TRANK1: variants seen among roughly 807,000 people sequenced by gnomAD.
TRANK1 encodes the protein TPR and ankyrin repeat-containing protein 1.
TRANK1 carries 198 observed loss-of-function variants against 266.0 expected under a neutral mutation model. The observed-to-expected ratio is 0.74, with a 90% confidence interval of 0.66 to 0.84. TRANK1 has a LOEUF of 0.84. Ranked by LOEUF, TRANK1 falls within the 40% of genes least tolerant of loss-of-function variation. The pLI, the probability that TRANK1 is intolerant of heterozygous loss-of-function variation, is 0.00. For missense variants in TRANK1, 3,326 were observed against 3,634.6 expected (o/e 0.92, Z 2.18); for synonymous variants, 1,396 against 1,384.1 (o/e 1.01, Z -0.19).
chr3:36,905,058 G>A (rs1473712562), intron 2 of TRANK1, among the ~76,000 whole-genome samples: 1 of 151,952 alleles, frequency 6.6e-6, no homozygotes, highest in South Asian at 2.1e-4. Flanking sequence ...AGGAGGCCGA[G>A]CGGGCGGATC....
In TRANK1 at chr3:36,834,778, C is replaced by A; in HGVS notation, c.5647G>T (p.Ala1883Ser). Residue 1883 changes from alanine (A) to serine (S), a missense_variant, in exon 21 of 24, where the codon GCT (alanine) becomes TCT (serine). Ala to Ser is a moderately conservative substitution (Grantham distance 99). Transcript: ENST00000645898. ...YCQEELFEEAAIAVEKYEEML... is the reference protein window; with the variant it reads ...YCQEELFEEASIAVEKYEEML... Reference sequence around the variant, plus strand: ...ACCACCTACTTTTCCACTGCAATAGCAGCTTCTTCAAAAAGCTCCTCTTGG... The same window carrying A: ...ACCACCTACTTTTCCACTGCAATAGAAGCTTCTTCAAAAAGCTCCTCTTGG... 6.2e-7 allele frequency: 1 copy of A among 1,612,170 alleles called. No individual in the cohort carries two copies. Among genetic ancestry groups the A allele is most frequent in the Non-Finnish European group, 8.5e-7 (1 of 1,179,352 alleles).
At chr3:36,918,209 C>T (rs1480976764) in intron 1 of TRANK1, among the ~76,000 whole-genome samples, 1 of 151,880 alleles carries the variant, frequency 6.6e-6, no homozygotes, top group African/African-American at 2.4e-5. Flanking sequence ...TAGTCAATTT[C>T]ATAGAAACAG....
At chr3:36,867,666 T>A (rs909322096) in intron 9 of TRANK1, among the ~76,000 whole-genome samples, 2 of 152,218 alleles carry the variant, frequency 1.3e-5, no homozygotes, top group African/African-American at 2.4e-5. Flanking sequence ...AAGAGTTTTT[T>A]AAAAGATGAC....
intron 2 of TRANK1, among the ~76,000 whole-genome samples, chr3:36,903,587 A>G (rs889634140): frequency 3.3e-5 from 5 of 152,238 alleles, no homozygotes; most frequent in East Asian, 1.9e-4. Context: ...CCTCAGAAGA[A>G]TCGGCTTCAG....
chr3:36,923,256 A>AAT (rs2080241475), intron 1 of TRANK1, among the ~76,000 whole-genome samples: 1 of 141,004 alleles, frequency 7.1e-6, no homozygotes, highest in South Asian at 2.2e-4. Flanking sequence ...GTCTTGGTAA[A>AAT]TTTTTTTTTT....
Position 36,857,439 on chromosome 3 carries a change from C to A in TRANK1, c.2283G>T (p.Glu761Asp). Residue 761 changes from glutamate to aspartate, a missense_variant, in exon 13 of 24, where the codon GAG becomes GAT. Glu to Asp is a conservative substitution (Grantham distance 45). Coordinates refer to ENST00000645898, the MANE Select transcript of TRANK1 (RefSeq NM_001329998.2). This position sits in a 1 kb window ranked among gnomAD's most constrained non-coding sequence, Gnocchi z 4.3. The stretch of plus-strand genomic sequence containing the variant: ...TCTTTCCTTCTTTGCCAGCTCCTGC[C>A]TCCAGAGGCTCAGAGCTCTGAAGAC... ...EDCLQSSEPLEAGAGKEGKKD... is the reference protein window; with the variant it reads ...EDCLQSSEPLDAGAGKEGKKD... 6.2e-7 allele frequency: 1 copy of A among 1,613,998 alleles called. No homozygotes were observed. Among genetic ancestry groups the A allele is most frequent in the Non-Finnish European group, 8.5e-7 (1 of 1,179,890 alleles).
chr3:36,829,350 CAT>C (rs2078665668), intron 23 of TRANK1, among the ~76,000 whole-genome samples: 1 of 152,188 alleles, frequency 6.6e-6, no homozygotes, highest in African/African-American at 2.4e-5. Flanking sequence ...TGGCAACTAA[CAT>C]GTGCCCAGAA....
chr3:36,908,679 A>G (rs1050016979), intron 1 of TRANK1: 2 of 959,656 alleles, frequency 2.1e-6, no homozygotes, highest in African/African-American at 1.8e-5. Flanking sequence ...GGCCAGACCA[A>G]TTCCATTTAT....
intron 4 of TRANK1, 51 bp downstream of exon 4, chr3:36,899,058 T>G: frequency 6.6e-7 from 1 of 1,524,822 alleles, no homozygotes; most frequent in Non-Finnish European, 8.8e-7. Flanking sequence ...CAGGAGCTAT[T>G]TCAATAAAAT....
Position 36,833,486 on chromosome 3 carries a change from G to A in TRANK1, c.6097C>T (p.His2033Tyr), listed in dbSNP as rs1457120365. ...CTCAGGATTACCCCTTGCAGGAAGT[G>A]GGCCTCCGCAATGCCAGACAACTGG... ...TGQLSGIAEAHFLQGVILRDF... is the reference protein window; with the variant it reads ...TGQLSGIAEAYFLQGVILRDF... The change falls in exon 22 of 24, where the codon CAC (histidine) becomes TAC (tyrosine). Residue 2033 changes from histidine (H) to tyrosine (Y), a missense_variant. His to Tyr is a moderately conservative substitution (Grantham distance 83). Coordinates refer to ENST00000645898, the MANE Select transcript of TRANK1 (RefSeq NM_001329998.2). 1 of 1,613,910 alleles carries A rather than the reference G, an allele frequency of 6.2e-7. No homozygotes were observed. The highest frequency in any genetic ancestry group is 8.5e-7 in the Non-Finnish European group (1 of 1,179,846).
rs949050647 is a variant in TRANK1 at position 36,846,421 on chromosome 3, G to A, written c.5035-17C>T. On this transcript the variant is annotated splice_polypyrimidine_tract_variant and intron_variant, in intron 16 of 23. Transcript: ENST00000645898. ...GTTGAGGAGCTAAAGATAACATTGAGGACAAAGATGATGAGCCATTTGTCT... is the reference window on the plus strand; with the variant it reads ...GTTGAGGAGCTAAAGATAACATTGAAGACAAAGATGATGAGCCATTTGTCT... The A allele has an allele frequency of 1.9e-6, 3 of 1,599,198 alleles. No homozygotes were observed. The highest frequency in any genetic ancestry group is 1.7e-5 in the Admixed American group (1 of 58,198).
intron 8 of TRANK1, among the ~76,000 whole-genome samples, chr3:36,879,154 T>TA (rs533049067): frequency 0.051 from 7,478 of 146,008 alleles, 237 homozygotes; most frequent in Non-Finnish European, 0.077. Context: ...GGCAATTGTT[T>TA]AAAAAAAAAA....
intron 4 of TRANK1, among the ~76,000 whole-genome samples, chr3:36,896,202 C>A (rs1241184658): frequency 6.6e-6 from 1 of 152,190 alleles, no homozygotes; most frequent in East Asian, 1.9e-4. Context: ...GCATATCATG[C>A]AGTTAGTTCA....
intron 11 of TRANK1, among the ~76,000 whole-genome samples, chr3:36,860,435 G>A (rs759548367): frequency 6.6e-6 from 1 of 152,198 alleles, no homozygotes; most frequent in African/African-American, 2.4e-5. Context: ...TAAAGCAGCA[G>A]ATGCTTCCAC....
Position 36,833,145 on chromosome 3 carries a change from C to T in TRANK1, c.6438G>A (p.Leu2146=). 1 of 1,613,332 alleles carries T rather than the reference C, an allele frequency of 6.2e-7. No homozygotes were observed. Among genetic ancestry groups the T allele is most frequent in the Non-Finnish European group, 8.5e-7 (1 of 1,179,546 alleles). Residue 2146 remains leucine, a synonymous_variant, in exon 22 of 24, where the codon TTG becomes TTA. Transcript: ENST00000645898. Reference sequence around the variant, plus strand: ...CTTTTGTTTTTTTCTCTCTCAAGTTCAAATCCAGGTCAAAAATTATTCTTA... The same window carrying T: ...CTTTTGTTTTTTTCTCTCTCAAGTTTAAATCCAGGTCAAAAATTATTCTTA... ...PILRIIFDLD[L]NLREKKTKDH... is the part of the protein sequence containing the mutation.
intron 1 of TRANK1, among the ~76,000 whole-genome samples, chr3:36,918,518 A>AAGGAAGGAAGGAAG (rs1559473271): frequency 8.5e-5 from 3 of 35,320 alleles, no homozygotes; most frequent in African/African-American, 3.4e-4. Context: ...AAAGAAAGAA[A>AAGGAAGGAAGGAAG]GAAAGAAAGA....
chr3:36,894,080 C>T (rs1275574166), intron 5 of TRANK1, among the ~76,000 whole-genome samples: 2 of 152,178 alleles, frequency 1.3e-5, no homozygotes, highest in Non-Finnish European at 2.9e-5. Flanking sequence ...TTAAAAGATG[C>T]TTCTGTCTGC....
intron 1 of TRANK1, among the ~76,000 whole-genome samples, chr3:36,923,253 T>TA (rs2080241231): frequency 1.0e-5 from 1 of 100,314 alleles, no homozygotes; most frequent in Non-Finnish European, 1.9e-5. Context: ...ACTGTCTTGG[T>TA]AAATTTTTTT....
At chr3:36,915,827 G>A (rs1050815514) in intron 1 of TRANK1, among the ~76,000 whole-genome samples, 9 of 152,194 alleles carry the variant, frequency 5.9e-5, no homozygotes, top group South Asian at 2.1e-4. Context: ...TCTAAATAGT[G>A]AGCGGTTAGC....
Sources: allele counts gnomAD v4.1 joint callset (sites outside exome capture counted in the v4.1 genomes callset), GRCh38; gene constraint gnomAD v4.1.1; non-coding constraint Gnocchi (gnomAD v3.1); transcripts MANE v1.5; gene names NCBI Gene and HGNC (gene_info 2026-07-23, HGNC 2026-07-21).